CPS1: variants seen among roughly 807,000 people sequenced by gnomAD.
CPS1 encodes the protein carbamoyl-phosphate synthase 1.
Under a neutral mutation model 174.6 loss-of-function variants are expected in CPS1, and 109 were observed. The observed-to-expected ratio is 0.62, with a 90% confidence interval of 0.53 to 0.73. The LOEUF is 0.73. Among genes scored for constraint, CPS1 ranks in the 30% least tolerant of loss-of-function variants. CPS1 has a pLI of 0.00. For synonymous variants in CPS1, 637 were observed against 632.0 expected, an observed-to-expected ratio of 1.01 and a Z score of -0.12; for missense variants, 1,689 against 1,821.9, an observed-to-expected ratio of 0.93 and a Z score of 1.33.
intron 4 of CPS1, among the ~76,000 whole-genome samples, chr2:210,579,181 A>T (rs1697821812): frequency 6.6e-6 from 1 of 152,152 alleles, no homozygotes; most frequent in African/African-American, 2.4e-5. Context: ...TGTTTTCTTG[A>T]TTCCTAACTC....
At chr2:210,572,106 C>A (rs895556811) in intron 1 of CPS1, among the ~76,000 whole-genome samples, 10 of 152,002 alleles carry the variant, frequency 6.6e-5, no homozygotes, top group Admixed American at 6.6e-4. Context: ...GGCCAGACTT[C>A]TTTTCTCTAT....
chr2:210,661,657 A>G (rs554918530), intron 32 of CPS1, among the ~76,000 whole-genome samples: 8 of 152,110 alleles, frequency 5.3e-5, no homozygotes, highest in Non-Finnish European at 1.0e-4. Flanking sequence ...TTGGGAGGAG[A>G]GGTGGCATTT....
chr2:210,550,981 T>C (rs1045797039), intron 1 of CPS1, among the ~76,000 whole-genome samples: 10 of 151,904 alleles, frequency 6.6e-5, no homozygotes, highest in African/African-American at 2.4e-4. Flanking sequence ...TTTTCTTAAA[T>C]TCCACTCTAA....
intron 35 of CPS1, 150 bp downstream of exon 35, chr2:210,675,111 A>T: frequency 1.5e-6 from 1 of 687,368 alleles, no homozygotes; most frequent in South Asian, 1.6e-5. Flanking sequence ...ACTTAGAGTC[A>T]AATCATTAAA....
chr2:210,522,976 C>T (rs922493727), intron 1 of CPS1, among the ~76,000 whole-genome samples: 1 of 151,912 alleles, frequency 6.6e-6, no homozygotes, highest in Non-Finnish European at 1.5e-5. Flanking sequence ...TTGTAAACAA[C>T]TTAAAGCTAC....
At chr2:210,667,331 C>A (rs991773337) in intron 33 of CPS1, among the ~76,000 whole-genome samples, 1 of 152,098 alleles carries the variant, frequency 6.6e-6, no homozygotes, top group Admixed American at 6.6e-5. Context: ...CCTTCTCCTG[C>A]CTAATTGCCC....
intron 20 of CPS1, among the ~76,000 whole-genome samples, chr2:210,614,808 C>T (rs1340376970): frequency 6.6e-6 from 1 of 151,642 alleles, no homozygotes; most frequent in African/African-American, 2.4e-5. Context: ...ACCACATGTT[C>T]TCACTCATAA....
intron 1 of CPS1, among the ~76,000 whole-genome samples, chr2:210,530,296 A>G (rs1227008711): frequency 6.6e-6 from 1 of 152,096 alleles, no homozygotes; most frequent in Non-Finnish European, 1.5e-5. Flanking sequence ...TTTGTGGAAA[A>G]TGCCAACAAT....
At chr2:210,617,960 A>G (rs985017288) in intron 21 of CPS1, 1 of 152,060 alleles carries the variant, frequency 6.6e-6, no homozygotes, top group Non-Finnish European at 1.5e-5. Context: ...TGCCAGTCAC[A>G]GCAGTGGAAA....
In CPS1 at chr2:210,648,516, T is replaced by A. The variant is rs2105908864; in HGVS notation, c.3380T>A (p.Leu1127Ter). ...EFAKSVDYPC[L>*]LRPSYVLSGS... ...GCAAAGTCTGTGGACTACCCCTGCT[T>A]GTTGAGGCCTTCCTATGTTTTGAGG... The change falls in exon 27 of 38, where the codon TTG becomes TAG. Residue 1127 changes from leucine to a stop codon, truncating the protein, a stop_gained. Transcript: ENST00000233072. LOFTEE classifies it high-confidence loss of function. 1.9e-6 allele frequency: 3 copies of A among 1,613,706 alleles called. No individual in the cohort carries two copies. The highest frequency in any genetic ancestry group is 2.5e-6 in the Non-Finnish European group (3 of 1,179,722).
chr2:210,658,770 G>T lies in CPS1; in HGVS notation c.3756+82G>T, dbSNP rs140223533. The T allele has an allele frequency of 2.0e-5, 20 of 1,018,576 alleles. No individual in the cohort carries two copies. The East Asian group carries it at 3.9e-4, about 20-fold the overall frequency. The allele number at this position is 1,018,576 out of a possible 1,614,324, so 63.1% of individuals were successfully genotyped here. ...TTGCATCTCTCTGGTAATCTTCTCT[G>T]TGAACACCAGACAAAGAGCAACTGA... On this transcript the variant is annotated intron_variant, in intron 31 of 37. Transcript: ENST00000233072.
In CPS1 at chr2:210,517,708, G is replaced by C. The variant is rs556836070; in HGVS notation, c.4-39011G>C. The stretch of plus-strand genomic sequence containing the variant: ...TGTTGTTTCTTCCAGTTTTCTTTTT[G>C]TATCTGAATAATCACAGCATGTAGC... On this transcript the variant is annotated intron_variant, in intron 1 of 38. Transcript: ENST00000430249. Among the ~76,000 whole-genome samples the C allele has an allele frequency of 4.0e-5, 6 of 151,810 alleles. No individual in the cohort carries two copies. The East Asian group carries it at 9.7e-4, about 25-fold the overall frequency.
At chr2:210,552,544 C>T (rs942916140), upstream of CPS1, among the ~76,000 whole-genome samples, 1 of 152,002 alleles carries the variant, frequency 6.6e-6, no homozygotes, top group Non-Finnish European at 1.5e-5. Flanking sequence ...TTGGAAGTCT[C>T]TGTACCTTCA....
At chr2:210,553,148 A>T (rs906501112), upstream of CPS1, among the ~76,000 whole-genome samples, 28 of 151,388 alleles carry the variant, frequency 1.8e-4, no homozygotes, top group Non-Finnish European at 4.4e-5. Flanking sequence ...TAATAACATC[A>T]AAATACATTT....
chr2:210,480,505 G>A (rs573542548), intron 1 of CPS1, among the ~76,000 whole-genome samples: 1 of 152,258 alleles, frequency 6.6e-6, no homozygotes, highest in South Asian at 2.1e-4. Flanking sequence ...TGTTCCTTTT[G>A]CCTCTAACCT....
chr2:210,631,303 T>A (rs1310396890), intron 21 of CPS1: 1 of 152,188 alleles, frequency 6.6e-6, no homozygotes, highest in Non-Finnish European at 1.5e-5. Context: ...ATTTCCTCAT[T>A]AAGGGGAATT....
At chr2:210,503,337 A>T (rs1695196511) in intron 1 of CPS1, among the ~76,000 whole-genome samples, 1 of 152,226 alleles carries the variant, frequency 6.6e-6, no homozygotes, top group Non-Finnish European at 1.5e-5. Flanking sequence ...CTCGAGGCCC[A>T]GAAGGTAGAG....
chr2:210,479,022 T>C (rs1441826621), intron 1 of CPS1, among the ~76,000 whole-genome samples: 1 of 151,184 alleles, frequency 6.6e-6, no homozygotes, highest in Non-Finnish European at 1.5e-5. Flanking sequence ...TCCTTGGTTC[T>C]GATACAAAAG....
intron 1 of CPS1, among the ~76,000 whole-genome samples, chr2:210,489,722 A>G (rs114070222): frequency 6.6e-6 from 1 of 152,190 alleles, no homozygotes; most frequent in Non-Finnish European, 1.5e-5. Flanking sequence ...TTTCTTCCAT[A>G]CTATTATAAG....
Sources: allele counts gnomAD v4.1 joint callset (sites outside exome capture counted in the v4.1 genomes callset), GRCh38; gene constraint gnomAD v4.1.1; transcripts MANE v1.5; gene names NCBI Gene and HGNC (gene_info 2026-07-23, HGNC 2026-07-21).